FAM174B: variants seen among roughly 807,000 people sequenced by gnomAD.
FAM174B encodes the protein family with sequence similarity 174 member B.
A neutral mutation model predicts 10.9 loss-of-function variants in FAM174B; 12 were observed. That is an observed-to-expected ratio of 1.10 (90% confidence interval 0.71 to 1.79). The LOEUF (loss-of-function observed/expected upper bound fraction) is 1.79, where lower values mean the gene tolerates loss of function less well. FAM174B is among the 40% of genes most tolerant of loss of function. FAM174B has a pLI of 0.00. For missense variants in FAM174B, 266 were observed against 233.3 expected, an observed-to-expected ratio of 1.14 and a Z score of -0.91; for synonymous variants, 132 against 115.8, an observed-to-expected ratio of 1.14 and a Z score of -0.90.
chr15:92,626,590 C>T (rs1481455026), intron 2 of FAM174B, among the ~76,000 whole-genome samples: 2 of 152,122 alleles, frequency 1.3e-5, no homozygotes, highest in African/African-American at 2.4e-5. Flanking sequence ...AGCAGAAACC[C>T]AGGCATGGAG....
At chr15:92,630,076 G>T in intron 2 of FAM174B, 138 bp downstream of exon 2, 1 of 710,768 alleles carries the variant, frequency 1.4e-6, no homozygotes, top group East Asian at 2.6e-5. Context: ...GATCAGAGCA[G>T]GTCTCTCCAC....
intron 1 of FAM174B, among the ~76,000 whole-genome samples, chr15:92,632,681 GTT>G (rs59050481): frequency 6.8e-6 from 1 of 146,414 alleles, no homozygotes; most frequent in African/African-American, 2.5e-5. Flanking sequence ...TGGCTGGGTT[GTT>G]TTTTTTTTTT....
At chr15:92,626,139 A>ACGGAGTCTCGCTCTTTCAC (rs373252541) in intron 2 of FAM174B, among the ~76,000 whole-genome samples, 109,013 of 137,124 alleles carry the variant, frequency 0.79, 43,754 homozygotes, top group East Asian at 0.99. Flanking sequence ...TTTTTTTGAG[A>ACGGAGTCTCGCTCTTTCAC]CCAGGCCGGA....
chr15:92,642,283 CAT>C (rs1260130269), intron 1 of FAM174B, among the ~76,000 whole-genome samples: 1 of 152,222 alleles, frequency 6.6e-6, no homozygotes, highest in Non-Finnish European at 1.5e-5. Flanking sequence ...ATGGAGTTAT[CAT>C]ATGACCCAGC....
chr15:92,637,848 C>A (rs2050865945), intron 1 of FAM174B, among the ~76,000 whole-genome samples: 1 of 152,176 alleles, frequency 6.6e-6, no homozygotes, highest in Non-Finnish European at 1.5e-5. Flanking sequence ...GGGGACAGGG[C>A]CCTCATTTTA....
intron 1 of FAM174B, among the ~76,000 whole-genome samples, chr15:92,643,344 A>ATGTATGTGTGTGTG (rs1555421984): frequency 2.9e-5 from 4 of 138,180 alleles, no homozygotes; most frequent in Admixed American, 7.2e-5. Context: ...TAGGGAAGGA[A>ATGTATGTGTGTGTG]TGTGTGTGTG....
At chr15:92,654,135 A>G (rs916816508) in intron 1 of FAM174B, among the ~76,000 whole-genome samples, 2 of 152,200 alleles carry the variant, frequency 1.3e-5, no homozygotes, top group African/African-American at 4.8e-5. Context: ...AATCCTACAG[A>G]CACAGAAGAA....
At chr15:92,651,077 T>A (rs1382356100) in intron 1 of FAM174B, among the ~76,000 whole-genome samples, 1 of 152,180 alleles carries the variant, frequency 6.6e-6, no homozygotes, top group Non-Finnish European at 1.5e-5. Context: ...TCAACTATGG[T>A]AGAAAATGAA....
chr15:92,631,325 TA>T (rs2050808817), intron 1 of FAM174B, among the ~76,000 whole-genome samples: 1 of 3,846 alleles, frequency 2.6e-4, no homozygotes, highest in African/African-American at 5.3e-4. Context: ...TAATATTATA[TA>T]TAATATATTA....
chr15:92,633,995 TC>T (rs973294816), intron 1 of FAM174B, among the ~76,000 whole-genome samples: 11 of 86,462 alleles, frequency 1.3e-4, no homozygotes, highest in South Asian at 7.0e-4. Flanking sequence ...AGGGTCAAAC[TC>T]CCGATCTACA....
At chr15:92,647,400 A>G (rs2050935370) in intron 1 of FAM174B, among the ~76,000 whole-genome samples, 1 of 152,120 alleles carries the variant, frequency 6.6e-6, no homozygotes, top group African/African-American at 2.4e-5. Context: ...ACGGCTCCTT[A>G]TCTGCCAAGT....
At chr15:92,642,636 C>G (rs2050898942) in intron 1 of FAM174B, among the ~76,000 whole-genome samples, 1 of 152,186 alleles carries the variant, frequency 6.6e-6, no homozygotes. Flanking sequence ...ACCATGAGGA[C>G]ATGTTTGCTT....
chr15:92,652,702 C>T (rs1221161087), intron 1 of FAM174B, among the ~76,000 whole-genome samples: 1 of 152,070 alleles, frequency 6.6e-6, no homozygotes, highest in Admixed American at 6.5e-5. Flanking sequence ...CGGCAGGTGG[C>T]GAAGCTTCAC....
At chr15:92,645,966 T>C (rs575263668) in intron 1 of FAM174B, among the ~76,000 whole-genome samples, 1 of 151,462 alleles carries the variant, frequency 6.6e-6, no homozygotes, top group Admixed American at 6.6e-5. Flanking sequence ...CACCTGTGAG[T>C]CCTCTTCTTC....
chr15:92,619,050 C>T lies in FAM174B; in HGVS notation c.*406G>A. On this transcript the variant is annotated 3_prime_UTR_variant, in exon 3 of 3. Transcript: ENST00000327355. The stretch of plus-strand genomic sequence containing the variant: ...AGAAGAATGTCGGAAATTCTAAATA[C>T]ACAGTTGGACATCCTTCAGGCTTGT... The T allele has an allele frequency of 1.6e-6, 1 of 607,750 alleles. No homozygotes were observed. Among genetic ancestry groups the T allele is most frequent in the South Asian group, 2.0e-5 (1 of 50,172 alleles). 37.6% of individuals were successfully genotyped at this position (607,750 alleles called of 1,614,324 possible).
Position 92,655,749 on chromosome 15 carries a change from T to A in FAM174B, c.-90A>T. On this transcript the variant is annotated 5_prime_UTR_variant, in exon 1 of 3. Transcript: ENST00000327355. ...CACGGAGGCCTGCACCGGGGGATCC[T>A]GCGGCGGAGGCGGCTGCGCGGTGCT... 2 of 1,104,986 alleles carry A rather than the reference T, an allele frequency of 1.8e-6. No individual in the cohort carries two copies. The highest frequency in any genetic ancestry group is 2.3e-6 in the Non-Finnish European group (2 of 886,734). The allele number at this position is 1,104,986 out of a possible 1,614,324, so 68.4% of individuals were successfully genotyped here.
At chr15:92,625,129 G>T (rs2050744987) in intron 2 of FAM174B, among the ~76,000 whole-genome samples, 1 of 152,142 alleles carries the variant, frequency 6.6e-6, no homozygotes, top group African/African-American at 2.4e-5. Context: ...CAGAGTTAGA[G>T]ATTCATTTCT....
chr15:92,648,652 G>C (rs1421677015), intron 1 of FAM174B, among the ~76,000 whole-genome samples: 1 of 152,180 alleles, frequency 6.6e-6, no homozygotes, highest in Non-Finnish European at 1.5e-5. Context: ...TGAGTGTAGG[G>C]AGGTAGGCGG....
At chr15:92,639,398 G>C (rs542999655) in intron 1 of FAM174B, among the ~76,000 whole-genome samples, 94 of 152,372 alleles carry the variant, frequency 6.2e-4, no homozygotes, top group Non-Finnish European at 1.2e-3. Context: ...AATGCAGTAA[G>C]ATACCGACCA....
Sources: allele counts gnomAD v4.1 joint callset (sites outside exome capture counted in the v4.1 genomes callset), GRCh38; gene constraint gnomAD v4.1.1; transcripts MANE v1.5; gene names NCBI Gene and HGNC (gene_info 2026-07-23, HGNC 2026-07-21).